The following PDE7A variants were observed in gnomAD, a reference collection of about 807,000 sequenced individuals.
PDE7A encodes the protein high affinity 3',5'-cyclic-AMP phosphodiesterase 7A.
Under a neutral mutation model 64.3 loss-of-function variants are expected in PDE7A, and 39 were observed. The ratio of observed to expected loss-of-function variants is 0.61; its 90% CI spans 0.47 to 0.79. The LOEUF (loss-of-function observed/expected upper bound fraction) is 0.79, where lower values mean the gene tolerates loss of function less well. PDE7A is among the 30% of genes least tolerant of loss of function. The probability of loss-of-function intolerance (pLI) is 0.00; values close to 1 mark genes in which losing one functional copy is unlikely to be tolerated. For missense variants in PDE7A, 470 were observed against 582.8 expected, an observed-to-expected ratio of 0.81 and a Z score of 1.99; for synonymous variants, 203 against 206.8, an observed-to-expected ratio of 0.98 and a Z score of 0.16.
intron 3 of PDE7A, among the ~76,000 whole-genome samples, chr8:65,763,005 G>A (rs1444086731): frequency 1.5e-5 from 2 of 131,904 alleles, no homozygotes; most frequent in East Asian, 4.0e-4. Context: ...GTGTGTGTGT[G>A]TGTGTGTGTG....
At chr8:65,836,167 T>A (rs1468732348) in intron 1 of PDE7A, among the ~76,000 whole-genome samples, 1 of 152,224 alleles carries the variant, frequency 6.6e-6, no homozygotes, top group Non-Finnish European at 1.5e-5. Context: ...CTAGTCCCTG[T>A]ATCAGCTTCT....
chr8:65,761,946 C>T (rs980056739), intron 3 of PDE7A, among the ~76,000 whole-genome samples: 2 of 152,152 alleles, frequency 1.3e-5, no homozygotes, highest in Non-Finnish European at 2.9e-5. Flanking sequence ...TTCCCACAAC[C>T]GATGTCACAA....
At chr8:65,838,704 C>T (rs1021868351) in intron 1 of PDE7A, 1 of 152,176 alleles carries the variant, frequency 6.6e-6, no homozygotes, top group East Asian at 1.9e-4. Flanking sequence ...ACTAAATGTC[C>T]CAGGGTGCTT....
chr8:65,816,626 T>C (rs928191556), intron 1 of PDE7A, among the ~76,000 whole-genome samples: 3 of 152,258 alleles, frequency 2.0e-5, no homozygotes, highest in South Asian at 2.1e-4. Flanking sequence ...ATAGACTTCT[T>C]CACAGACAGT....
At chr8:65,829,656 C>T (rs561447074) in intron 1 of PDE7A, among the ~76,000 whole-genome samples, 1 of 152,208 alleles carries the variant, frequency 6.6e-6, no homozygotes, top group South Asian at 2.1e-4. Context: ...GGACAAATCA[C>T]TCAATCTTCT....
intron 1 of PDE7A, among the ~76,000 whole-genome samples, chr8:65,821,435 C>T (rs1810539689): frequency 6.6e-6 from 1 of 152,154 alleles, no homozygotes; most frequent in African/African-American, 2.4e-5. Context: ...AATGTAAAAA[C>T]TTTGCCATCC....
At chr8:65,798,513 A>G (rs1265177305) in intron 1 of PDE7A, among the ~76,000 whole-genome samples, 1 of 152,076 alleles carries the variant, frequency 6.6e-6, no homozygotes, top group African/African-American at 2.4e-5. Context: ...TTGCCTGGCC[A>G]TATTTAAAAA....
intron 1 of PDE7A, among the ~76,000 whole-genome samples, chr8:65,824,770 C>T (rs1232918536): frequency 2.0e-5 from 3 of 152,180 alleles, no homozygotes; most frequent in Admixed American, 6.5e-5. Context: ...AGACATAATG[C>T]TACTGTACAC....
chr8:65,774,498 C>T (rs1809201505), intron 3 of PDE7A, among the ~76,000 whole-genome samples: 1 of 152,050 alleles, frequency 6.6e-6, no homozygotes, highest in Admixed American at 6.5e-5. Context: ...CTTTCTCTAA[C>T]ATATTGGTTC....
At position 65,718,968 on chromosome 8, in the gene PDE7A, C is replaced by T. The variant is rs763418385; in HGVS notation, c.*322G>A. ...TTGTTGCTGAACAATTCAAGTTTCA[C>T]GTTTTGAAGATTAGATGCTTTGAAA... On this transcript the variant is annotated 3_prime_UTR_variant, in exon 13 of 13. Transcript: ENST00000401827. The T allele has an allele frequency of 2.0e-5, 7 of 342,196 alleles. No homozygotes were observed. The highest frequency in any genetic ancestry group is 3.3e-5 in the Non-Finnish European group (6 of 181,646). 21.2% of individuals were successfully genotyped at this position (342,196 alleles called of 1,614,324 possible). A position where few individuals can be genotyped will look rare whatever the true frequency, so the allele number is the denominator to read the frequency against.
rs1421534712 is a variant in PDE7A at position 65,772,551 on chromosome 8, AG to A, written c.283+7168del. Among the ~76,000 whole-genome samples, 3 of 152,258 alleles carry A rather than the reference AG, an allele frequency of 2.0e-5. No homozygotes were observed. In the East Asian group the frequency reaches 5.8e-4, roughly 29 times the overall value. On this transcript the variant is annotated intron_variant, in intron 3 of 12. Transcript: ENST00000401827. ...GGTAAAAAAGGACAACTTTGCCTCC[AG>A]GTAAATAAACTACTGATATCTTCAA...
At chr8:65,801,841 G>C (rs758096679) in intron 1 of PDE7A, among the ~76,000 whole-genome samples, 1 of 152,120 alleles carries the variant, frequency 6.6e-6, no homozygotes, top group Non-Finnish European at 1.5e-5. Flanking sequence ...ATAAAAAGCA[G>C]TTTAGTAAGG....
At chr8:65,840,001 T>TA (rs902938658) in intron 1 of PDE7A, among the ~76,000 whole-genome samples, 15 of 152,242 alleles carry the variant, frequency 9.9e-5, no homozygotes, top group African/African-American at 3.1e-4. Flanking sequence ...TATTTAGAAG[T>TA]AAAAAAAGTT....
At chr8:65,747,227 C>G (rs1374779838) in intron 4 of PDE7A, among the ~76,000 whole-genome samples, 1 of 152,136 alleles carries the variant, frequency 6.6e-6, no homozygotes, top group Non-Finnish European at 1.5e-5. Flanking sequence ...AGAGACCTAA[C>G]TTTCTGTGCT....
intron 3 of PDE7A, among the ~76,000 whole-genome samples, chr8:65,774,598 A>G (rs1809204285): frequency 6.6e-6 from 1 of 151,776 alleles, no homozygotes; most frequent in African/African-American, 2.4e-5. Context: ...TACCACAGAA[A>G]TTAAGTATTT....
Position 65,842,018 on chromosome 8 carries a change from G to A in PDE7A, c.-510C>T, listed in dbSNP as rs1380448307. 1.7e-5 allele frequency: 4 copies of A among 231,134 alleles called. No homozygotes were observed. The highest frequency in any genetic ancestry group is 1.5e-4 in the South Asian group (3 of 20,188). The allele number at this position is 231,134 out of a possible 1,614,324, so 14.3% of individuals were successfully genotyped here. On this transcript the variant is annotated 5_prime_UTR_variant, in exon 1 of 13. Transcript: ENST00000401827. The stretch of plus-strand genomic sequence containing the variant: ...CGGAGTCCTGCTCCTCCCCTCCCCC[G>A]GAGCCTGACTTCACTCCGCCGCCGG...
chr8:65,834,389 T>A (rs1025609149), intron 1 of PDE7A, among the ~76,000 whole-genome samples: 12 of 152,234 alleles, frequency 7.9e-5, no homozygotes, highest in African/African-American at 2.9e-4. Flanking sequence ...CAGTAAGGCT[T>A]CTCACCAAGA....
chr8:65,725,608 CTTTTG>C (rs1194517229), intron 9 of PDE7A: 1 of 152,144 alleles, frequency 6.6e-6, no homozygotes, highest in African/African-American at 2.4e-5. Context: ...AAATTCTTGC[CTTTTG>C]TTTTAATGGG....
At chr8:65,772,278 C>A (rs1290583966) in intron 3 of PDE7A, among the ~76,000 whole-genome samples, 1 of 152,152 alleles carries the variant, frequency 6.6e-6, no homozygotes, top group Admixed American at 6.5e-5. Context: ...CACCTAGAAA[C>A]TATTTTTATT....
Sources: gnomAD v4.1 joint callset for allele counts (sites outside exome capture counted in the v4.1 genomes callset) on GRCh38, gnomAD v4.1.1 for gene constraint, MANE v1.5 for transcripts, NCBI Gene and HGNC (gene_info 2026-07-23, HGNC 2026-07-21) for gene names.